CSMD3: variants seen among roughly 807,000 people sequenced by gnomAD.
CSMD3 encodes the protein CUB and sushi domain-containing protein 3.
A neutral mutation model predicts 435.2 loss-of-function variants in CSMD3; 177 were observed. The ratio of observed to expected loss-of-function variants is 0.41; its 90% CI spans 0.36 to 0.46. The LOEUF is 0.46. CSMD3 is among the 20% of genes least tolerant of loss of function. The probability of loss-of-function intolerance (pLI) is 0.34; values close to 1 mark genes in which losing one functional copy is unlikely to be tolerated. For synonymous variants in CSMD3, 1,656 were observed against 1,520.5 expected, an observed-to-expected ratio of 1.09 and a Z score of -2.07; for missense variants, 4,265 against 4,504.6, an observed-to-expected ratio of 0.95 and a Z score of 1.52.
rs536188811 is a variant in CSMD3 at position 113,026,594 on chromosome 8, A to C, written c.918-7415T>G. On this transcript the variant is annotated intron_variant, in intron 5 of 70. Transcript: ENST00000297405. ...TGTTATATCCCTGATACTTAGCATA[A>C]TGATTGATGCATAGTGAGTGTATAC... Among the ~76,000 whole-genome samples, 169 of 152,314 alleles carry C rather than the reference A, an allele frequency of 1.1e-3. 3 individuals are homozygous for C. The South Asian group carries it at 0.015, about 14-fold the overall frequency.
intron 13 of CSMD3, among the ~76,000 whole-genome samples, chr8:112,694,336 A>T (rs1411779776): frequency 2.6e-5 from 4 of 152,138 alleles, no homozygotes; most frequent in Non-Finnish European, 5.9e-5. Flanking sequence ...AAACAATGAT[A>T]ACAAACATTT....
At chr8:112,338,326 T>A (rs1431656253) in intron 42 of CSMD3, among the ~76,000 whole-genome samples, 1 of 152,234 alleles carries the variant, frequency 6.6e-6, no homozygotes, top group Admixed American at 6.5e-5. Context: ...ATTTATTTGT[T>A]CATACTTCTC....
chr8:112,302,319 CT>C (rs1389307752), intron 52 of CSMD3, among the ~76,000 whole-genome samples: 2 of 151,194 alleles, frequency 1.3e-5, no homozygotes, highest in Non-Finnish European at 2.9e-5. Flanking sequence ...TCTTTCTCTG[CT>C]TTATCAAGTA....
intron 36 of CSMD3, among the ~76,000 whole-genome samples, chr8:112,389,640 A>G (rs1055601643): frequency 6.6e-6 from 1 of 152,232 alleles, no homozygotes; most frequent in African/African-American, 2.4e-5. Context: ...ACTAAAAATT[A>G]TGCTTCAATC....
chr8:112,909,912 C>T lies in CSMD3; in HGVS notation c.1633+11715G>A, dbSNP rs116042810. ...AGGAAATCATGAGCTGCTGCTTCAA[C>T]TCAGTGACCTCACTGCATCAAACTT... On this transcript the variant is annotated intron_variant, in intron 10 of 70. Transcript: ENST00000297405. Among the ~76,000 whole-genome samples, 481 of 151,906 alleles carry T rather than the reference C, an allele frequency of 3.2e-3. 4 individuals are homozygous for T. The highest frequency in any genetic ancestry group is 1.0e-2 in the African/African-American group (413 of 41,480).
At chr8:112,385,054 T>C (rs1023448085) in intron 36 of CSMD3, among the ~76,000 whole-genome samples, 1 of 152,178 alleles carries the variant, frequency 6.6e-6, no homozygotes, top group Non-Finnish European at 1.5e-5. Flanking sequence ...CCATGAGTAA[T>C]CTTCTTTAGC....
At chr8:112,255,604 G>A (rs1193779419) in intron 61 of CSMD3, 177 bp from the exon 62 acceptor site, 1 of 606,498 alleles carries the variant, frequency 1.6e-6, no homozygotes, top group African/African-American at 1.9e-5. Flanking sequence ...ATACTGAATT[G>A]AAAACTCAGT....
chr8:112,433,104 AAGTAC>A (rs1473769516), intron 32 of CSMD3, among the ~76,000 whole-genome samples: 2 of 152,122 alleles, frequency 1.3e-5, no homozygotes, highest in Non-Finnish European at 2.9e-5. Context: ...ATAATTCCAA[AAGTAC>A]AGGCTAATCA....
At position 113,021,118 on chromosome 8, in the gene CSMD3, G is replaced by A. The variant is rs73349971; in HGVS notation, c.918-1939C>T. Among the ~76,000 whole-genome samples, 1,481 of 152,152 alleles carry A rather than the reference G, an allele frequency of 9.7e-3. 16 individuals carry two copies. Among genetic ancestry groups the A allele is most frequent in the African/African-American group, 0.032 (1,336 of 41,518 alleles). On this transcript the variant is annotated intron_variant, in intron 5 of 70. Transcript: ENST00000297405. The stretch of plus-strand genomic sequence containing the variant: ...ATTCTTGGTTTGCAGTGCATTTTCC[G>A]TAATGTTTCCCTATAAATCTATTTT...
intron 13 of CSMD3, among the ~76,000 whole-genome samples, chr8:112,719,443 G>C (rs1005428004): frequency 6.6e-6 from 1 of 152,148 alleles, no homozygotes; most frequent in African/African-American, 2.4e-5. Context: ...AATTCTGGAG[G>C]CTGAGAAGTC....
At chr8:113,355,767 C>CACACAT (rs1186190872) in intron 1 of CSMD3, among the ~76,000 whole-genome samples, 7 of 56,614 alleles carry the variant, frequency 1.2e-4, no homozygotes, top group African/African-American at 4.5e-4. Context: ...CACACACACA[C>CACACAT]GGGGTGTGTG....
intron 5 of CSMD3, among the ~76,000 whole-genome samples, chr8:113,093,002 A>G (rs538446139): frequency 6.6e-6 from 1 of 152,284 alleles, no homozygotes; most frequent in African/African-American, 2.4e-5. Flanking sequence ...ATGTAAAAGC[A>G]GATTATCAAT....
intron 64 of CSMD3, among the ~76,000 whole-genome samples, chr8:112,245,943 A>G (rs1364007788): frequency 6.6e-6 from 1 of 152,162 alleles, no homozygotes; most frequent in Non-Finnish European, 1.5e-5. Context: ...CTTAAGCCCT[A>G]TGTTATGGAC....
At chr8:112,942,729 A>T (rs1006179030) in intron 9 of CSMD3, among the ~76,000 whole-genome samples, 3 of 151,744 alleles carry the variant, frequency 2.0e-5, no homozygotes, top group Non-Finnish European at 4.4e-5. Context: ...GGGTGAGAGG[A>T]GGGTGAGGAT....
chr8:113,134,874 G>GC (rs2091375961), intron 4 of CSMD3, among the ~76,000 whole-genome samples: 2 of 151,970 alleles, frequency 1.3e-5, no homozygotes, highest in Non-Finnish European at 1.5e-5. Context: ...AAGGCCCCGT[G>GC]CTGCATTAAG....
At chr8:112,694,181 T>C (rs1427148709) in intron 13 of CSMD3, among the ~76,000 whole-genome samples, 1 of 152,034 alleles carries the variant, frequency 6.6e-6, no homozygotes, top group African/African-American at 2.4e-5. Context: ...GAGAAGTGTA[T>C]TTAGAGAGTA....
chr8:112,591,917 TA>T (rs1281852564), intron 22 of CSMD3, among the ~76,000 whole-genome samples: 1 of 152,002 alleles, frequency 6.6e-6, no homozygotes, highest in Non-Finnish European at 1.5e-5. Flanking sequence ...CCATTGATTA[TA>T]AAAGGCATCT....
At chr8:112,814,796 A>AT (rs933114264) in intron 12 of CSMD3, among the ~76,000 whole-genome samples, 17 of 148,752 alleles carry the variant, frequency 1.1e-4, no homozygotes, top group East Asian at 9.8e-4. Flanking sequence ...AAAAAAAAAA[A>AT]TTTTTTTTTC....
At chr8:112,745,056 T>C (rs1026091340) in intron 13 of CSMD3, among the ~76,000 whole-genome samples, 2 of 152,134 alleles carry the variant, frequency 1.3e-5, no homozygotes, top group African/African-American at 4.8e-5. Flanking sequence ...AGCACAGTTA[T>C]GATACAGGTA....
Sources: allele counts gnomAD v4.1 joint callset (sites outside exome capture counted in the v4.1 genomes callset), GRCh38; gene constraint gnomAD v4.1.1; transcripts MANE v1.5; gene names NCBI Gene and HGNC (gene_info 2026-07-23, HGNC 2026-07-21).